Variants in CELF2 observed in about 807,000 individuals in gnomAD.
CELF2 encodes CUGBP Elav-like family member 2.
A neutral mutation model predicts 62.6 loss-of-function variants in CELF2; 8 were observed. That is an observed-to-expected ratio of 0.13 (90% CI 0.07 to 0.23). CELF2 has a LOEUF of 0.23. Ranked by LOEUF, CELF2 falls within the 10% of genes least tolerant of loss-of-function variation. The probability of loss-of-function intolerance (pLI) is 1.00; values close to 1 mark genes in which losing one functional copy is unlikely to be tolerated. For synonymous variants in CELF2, 258 were observed against 250.0 expected (o/e 1.03, Z -0.30); for missense variants, 333 against 671.0 (o/e 0.50, Z 5.56).
chr10:11,149,867 T>C (rs1218050062), intron 1 of CELF2, among the ~76,000 whole-genome samples: 1 of 152,212 alleles, frequency 6.6e-6, no homozygotes, highest in Non-Finnish European at 1.5e-5. Context: ...TGTCTTCAGG[T>C]ATTCAGCACT....
chr10:10,821,328 A>G (rs2056943256), intron 1 of CELF2, among the ~76,000 whole-genome samples: 1 of 152,130 alleles, frequency 6.6e-6, no homozygotes, highest in Non-Finnish European at 1.5e-5. Context: ...GCACACGTGG[A>G]TGCTGGGTGC....
intron 1 of CELF2, among the ~76,000 whole-genome samples, chr10:11,047,624 T>C (rs1248107808): frequency 6.6e-6 from 1 of 152,190 alleles, no homozygotes; most frequent in Non-Finnish European, 1.5e-5. Flanking sequence ...TGCTCTTTTC[T>C]GTGTAGATTC....
intron 1 of CELF2, among the ~76,000 whole-genome samples, chr10:11,027,565 A>G (rs961728942): frequency 6.6e-6 from 1 of 152,154 alleles, no homozygotes; most frequent in African/African-American, 2.4e-5. Flanking sequence ...CTTACTACAA[A>G]GACCATTTTC....
the CELF2 span, among the ~76,000 whole-genome samples, chr10:10,694,101 G>T: frequency 6.6e-6 from 1 of 150,492 alleles, no homozygotes; most frequent in African/African-American, 2.4e-5. Flanking sequence ...TAATTGTGAT[G>T]TTAGGGTGTC....
intron 1 of CELF2, among the ~76,000 whole-genome samples, chr10:11,114,563 C>G (rs77705208): frequency 0.046 from 6,994 of 152,188 alleles, 199 homozygotes; most frequent in Middle Eastern, 0.092. Context: ...AAATTAAGAC[C>G]CATGGTTGGA....
the CELF2 span, among the ~76,000 whole-genome samples, chr10:10,759,906 C>A: frequency 6.6e-6 from 1 of 151,208 alleles, no homozygotes; most frequent in Non-Finnish European, 1.5e-5. Flanking sequence ...TTCTTAAAAT[C>A]TTTTTTTTTG....
intron 2 of CELF2, among the ~76,000 whole-genome samples, chr10:10,962,157 G>A (rs1387941047): frequency 1.3e-5 from 2 of 152,058 alleles, no homozygotes; most frequent in East Asian, 1.9e-4. Flanking sequence ...GGAGGAAGAC[G>A]AGAAAAGAAA....
At position 11,268,931 on chromosome 10, in the gene CELF2, A is replaced by G. The variant is rs1048539210; in HGVS notation, c.619-1735A>G. The stretch of plus-strand genomic sequence containing the variant: ...CTGTTTCTCCACTTGCCTTCACTCT[A>G]TCCCTGCCCTGTGTTTCATGGTTTA... On this transcript the variant is annotated intron_variant, in intron 6 of 12. Transcript: ENST00000633077. This position sits in a 1 kb window ranked among gnomAD's most constrained non-coding sequence, Gnocchi z 4.7. 6.6e-6 allele frequency among the ~76,000 whole-genome samples: 1 copy of G among 152,184 alleles called. No individual in the cohort carries two copies. The highest frequency in any genetic ancestry group is 2.4e-5 in the African/African-American group (1 of 41,438).
chr10:10,950,456 TGCA>T, intron 2 of CELF2, among the ~76,000 whole-genome samples: 1 of 152,310 alleles, frequency 6.6e-6, no homozygotes, highest in African/African-American at 2.4e-5. Context: ...TAGTGATAAC[TGCA>T]GGAGGAAGTG....
At chr10:11,142,568 C>T (rs1241955133) in intron 1 of CELF2, among the ~76,000 whole-genome samples, 1 of 151,636 alleles carries the variant, frequency 6.6e-6, no homozygotes, top group East Asian at 1.9e-4. Flanking sequence ...CCTGTAATCC[C>T]AGCTACTCGG....
chr10:10,896,693 G>A (rs2062577033), intron 1 of CELF2, among the ~76,000 whole-genome samples: 1 of 152,152 alleles, frequency 6.6e-6, no homozygotes, highest in South Asian at 2.1e-4. Context: ...GGTAGGAAGA[G>A]ACAAGATGTT....
At chr10:10,517,715 G>A in the CELF2 span, among the ~76,000 whole-genome samples, 8 of 152,158 alleles carry the variant, frequency 5.3e-5, no homozygotes, top group African/African-American at 1.9e-4. Flanking sequence ...AGACAGTAGC[G>A]ATCAAGGTGT....
intron 4 of CELF2, among the ~76,000 whole-genome samples, chr10:11,251,270 ATTTTTTTTTTTTTTT>A: frequency 1.6e-5 from 1 of 63,310 alleles, no homozygotes; most frequent in African/African-American, 6.7e-5. Context: ...ACACAAAGGG[ATTTTTTTTTTTTTTT>A]TTTTTTTTTT....
the CELF2 span, among the ~76,000 whole-genome samples, chr10:10,772,041 C>T: frequency 7.1e-3 from 1,085 of 151,992 alleles, 10 homozygotes; most frequent in Middle Eastern, 0.014. Flanking sequence ...ATGCCTTAGA[C>T]TATAGCAGAA....
chr10:11,193,768 A>G (rs920946026), intron 2 of CELF2, among the ~76,000 whole-genome samples: 8 of 152,342 alleles, frequency 5.3e-5, no homozygotes, highest in African/African-American at 1.7e-4. Context: ...GATCTTATGC[A>G]TGGTTTATGG....
At chr10:10,973,551 A>G (rs12414794) in intron 2 of CELF2, among the ~76,000 whole-genome samples, 1 of 152,132 alleles carries the variant, frequency 6.6e-6, no homozygotes, top group Non-Finnish European at 1.5e-5. Context: ...CCAGCTCTTT[A>G]AAGATAGCCC....
the CELF2 span, among the ~76,000 whole-genome samples, chr10:10,783,825 A>G: frequency 6.6e-6 from 1 of 152,104 alleles, no homozygotes; most frequent in Non-Finnish European, 1.5e-5. Context: ...CTCTACTAAA[A>G]ATACAAAAAA....
chr10:10,949,461 A>G (rs1360506489), intron 2 of CELF2, among the ~76,000 whole-genome samples: 1 of 152,062 alleles, frequency 6.6e-6, no homozygotes, highest in Admixed American at 6.5e-5. Context: ...AAGCTTCTCA[A>G]GCAGGAATGC....
At chr10:11,288,651 G>C (rs2091927492) in intron 9 of CELF2, 99 bp downstream of exon 9, 5 of 1,358,182 alleles carry the variant, frequency 3.7e-6, no homozygotes, top group Middle Eastern at 3.8e-4. Context: ...GACGTGTCCA[G>C]GATGGAGCCG....
Sources: gnomAD v4.1 joint callset for allele counts (sites outside exome capture counted in the v4.1 genomes callset) on GRCh38, gnomAD v4.1.1 for gene constraint, Gnocchi (gnomAD v3.1) non-coding constraint, MANE v1.5 for transcripts, NCBI Gene and HGNC (gene_info 2026-07-23, HGNC 2026-07-21) for gene names.